Variants in IGSF10 observed in about 807,000 individuals in gnomAD.
The protein encoded by IGSF10 is immunoglobulin superfamily member 10, also known as calvaria mechanical force protein 608.
Under a neutral mutation model 128.2 loss-of-function variants are expected in IGSF10, and 126 were observed. The ratio of observed to expected loss-of-function variants is 0.98; its 90% CI spans 0.85 to 1.14. IGSF10 has a LOEUF of 1.14. Among genes scored for constraint, IGSF10 ranks in the 50% most tolerant of loss-of-function variants. IGSF10 has a pLI of 0.00. For missense variants in IGSF10, 3,295 were observed against 3,149.8 expected, an observed-to-expected ratio of 1.05 and a Z score of -1.10; for synonymous variants, 1,185 against 1,146.2, an observed-to-expected ratio of 1.03 and a Z score of -0.68.
chr3:151,493,349 T>A, the IGSF10 span, among the ~76,000 whole-genome samples: 1 of 152,206 alleles, frequency 6.6e-6, no homozygotes, highest in African/African-American at 2.4e-5. Flanking sequence ...GTAACCATTT[T>A]ACTATCTATA....
At chr3:151,553,431 A>G in the IGSF10 span, among the ~76,000 whole-genome samples, 435 of 152,214 alleles carry the variant, frequency 2.9e-3, 2 homozygotes, top group African/African-American at 0.01. Context: ...AAAATTGTCA[A>G]TAAAAGTTCT....
the IGSF10 span, among the ~76,000 whole-genome samples, chr3:151,532,715 A>G: frequency 6.6e-6 from 1 of 152,344 alleles, no homozygotes; most frequent in Non-Finnish European, 1.5e-5. Context: ...AACAGCCAAT[A>G]TCATACTGAA....
the IGSF10 span, among the ~76,000 whole-genome samples, chr3:151,472,467 G>A: frequency 2.6e-5 from 4 of 152,044 alleles, no homozygotes; most frequent in Non-Finnish European, 4.4e-5. Flanking sequence ...CCAATGCAGC[G>A]GCATTACCAT....
chr3:151,492,820 A>G, the IGSF10 span, among the ~76,000 whole-genome samples: 1 of 152,184 alleles, frequency 6.6e-6, no homozygotes, highest in African/African-American at 2.4e-5. Context: ...TCATCACTTC[A>G]AAAAGATACT....
chr3:151,511,068 A>T, the IGSF10 span, among the ~76,000 whole-genome samples: 433 of 152,318 alleles, frequency 2.8e-3, 1 homozygote, highest in South Asian at 0.012. Context: ...GAACTTCCCC[A>T]ATCTAGCAAG....
the IGSF10 span, among the ~76,000 whole-genome samples, chr3:151,575,234 G>A: frequency 1.7e-4 from 26 of 151,888 alleles, no homozygotes; most frequent in Non-Finnish European, 3.2e-4. Flanking sequence ...CACCATCCTG[G>A]GATAACTACT....
At chr3:151,610,762 G>T in the IGSF10 span, among the ~76,000 whole-genome samples, 1 of 152,146 alleles carries the variant, frequency 6.6e-6, no homozygotes, top group Non-Finnish European at 1.5e-5. Flanking sequence ...TCTGCTGAGG[G>T]TCAGTCTATG....
Position 151,443,474 on chromosome 3 carries a change from G to T in IGSF10, c.5473C>A (p.Pro1825Thr), listed in dbSNP as rs1255246866. 3.1e-6 allele frequency: 5 copies of T among 1,614,176 alleles called. No homozygotes were observed. In the South Asian group the frequency reaches 5.5e-5, roughly 18 times the overall value. The change falls in exon 7 of 8, where the codon CCA becomes ACA. Residue 1825 changes from proline (P) to threonine (T), a missense_variant. Pro to Thr is a conservative substitution (Grantham distance 38). Coordinates refer to ENST00000282466, the MANE Select transcript of IGSF10 (RefSeq NM_178822.5). The part of the protein sequence containing the change: ...RGFYKCVASN[P>T]GGQDSLLVKI... ...ACCAGCAGTGAATCCTGGCCACCTGGGTTGCTGGCCACACATTTGTAAAAG... is the reference window on the plus strand; with the variant it reads ...ACCAGCAGTGAATCCTGGCCACCTGTGTTGCTGGCCACACATTTGTAAAAG...
At chr3:151,574,853 GT>G in the IGSF10 span, among the ~76,000 whole-genome samples, 1 of 152,156 alleles carries the variant, frequency 6.6e-6, no homozygotes, top group Non-Finnish European at 1.5e-5. Flanking sequence ...CATCTTTGTG[GT>G]TTTATCTACC....
chr3:151,458,331 T>C (rs773997317), intron 3 of IGSF10, among the ~76,000 whole-genome samples, 185 bp downstream of exon 3: 16 of 152,166 alleles, frequency 1.1e-4, no homozygotes, highest in Admixed American at 2.0e-4. Flanking sequence ...TTTCTCCTAA[T>C]AAAAGTTTAC....
At position 151,447,051 on chromosome 3, in the gene IGSF10, A is replaced by G; in HGVS notation, c.2930T>C (p.Leu977Pro). 6.2e-7 allele frequency: 1 copy of G among 1,614,134 alleles called. No individual in the cohort carries two copies. Among genetic ancestry groups the G allele is most frequent in the Non-Finnish European group, 8.5e-7 (1 of 1,179,974 alleles). The change falls in exon 6 of 8, where the codon CTT (leucine) becomes CCT (proline). Residue 977 changes from leucine (L) to proline (P), a missense_variant. Coordinates refer to ENST00000282466, the MANE Select transcript of IGSF10 (RefSeq NM_178822.5). Reference protein sequence around the residue: ...NHFYSHTTQILSTSTFPSDPH... With the variant: ...NHFYSHTTQIPSTSTFPSDPH... ...ATCTGAAGGGAACGTGGAGGTGCTA[A>G]GTATTTGAGTAGTGTGAGAATAGAA...
At chr3:151,559,841 A>T in the IGSF10 span, among the ~76,000 whole-genome samples, 2 of 152,080 alleles carry the variant, frequency 1.3e-5, no homozygotes, top group African/African-American at 4.8e-5. Flanking sequence ...AAGACTTTAC[A>T]TGGGTTCTTA....
chr3:151,440,465 A>G lies in IGSF10; in HGVS notation c.5964-1868T>C, dbSNP rs567378862. 1.1e-5 allele frequency: 5 copies of G among 439,850 alleles called. 1 individual carries two copies. Among genetic ancestry groups the G allele is most frequent in the African/African-American group, 6.1e-5 (3 of 49,310 alleles). The allele number at this position is 439,850 out of a possible 1,614,324, so 27.2% of individuals were successfully genotyped here. A position where few individuals can be genotyped will look rare whatever the true frequency, so the allele number is the denominator to read the frequency against. On this transcript the variant is annotated intron_variant, in intron 7 of 7. Coordinates refer to ENST00000282466, the MANE Select transcript of IGSF10 (RefSeq NM_178822.5). ...ACCAAAGTAAAATCAATACAAATACACCTAAAGGAAGGGAAACTGCCAGGT... is the reference window on the plus strand; with the variant it reads ...ACCAAAGTAAAATCAATACAAATACGCCTAAAGGAAGGGAAACTGCCAGGT...
the IGSF10 span, among the ~76,000 whole-genome samples, chr3:151,590,472 T>G: frequency 1.1e-4 from 16 of 152,204 alleles, no homozygotes; most frequent in African/African-American, 3.6e-4. Flanking sequence ...CAAGCATTAT[T>G]GGAATGGTCC....
rs1560176293 is a variant in IGSF10 at position 151,445,969 on chromosome 3, TC to T, written c.4011del (p.Arg1338AspfsTer37). The T allele has an allele frequency of 3.1e-6, 5 of 1,614,214 alleles. No individual in the cohort carries two copies. In the South Asian group the frequency reaches 5.5e-5, roughly 18 times the overall value. On this transcript the variant is annotated frameshift_variant, in exon 6 of 8. Coordinates refer to ENST00000282466, the MANE Select transcript of IGSF10 (RefSeq NM_178822.5). LOFTEE classifies it high-confidence loss of function. ...ASVITYETQT[E>X]RSRAQTIQRE... ...CTTTGTATTGTTTGTGCTCTAGATCTCTCTGTTTGGGTTTCATAAGTGATGA... is the reference window on the plus strand; with the variant it reads ...CTTTGTATTGTTTGTGCTCTAGATCTTCTGTTTGGGTTTCATAAGTGATGA...
At chr3:151,518,557 C>T in the IGSF10 span, among the ~76,000 whole-genome samples, 3 of 151,896 alleles carry the variant, frequency 2.0e-5, no homozygotes. Context: ...TGCTTTAATG[C>T]AGTAATGCAG....
At chr3:151,533,944 A>G in the IGSF10 span, among the ~76,000 whole-genome samples, 1 of 152,352 alleles carries the variant, frequency 6.6e-6, no homozygotes, top group South Asian at 2.1e-4. Context: ...CAAAGAACTT[A>G]AACAAATTTA....
At chr3:151,536,958 T>C in the IGSF10 span, among the ~76,000 whole-genome samples, 2 of 152,194 alleles carry the variant, frequency 1.3e-5, no homozygotes, top group African/African-American at 4.8e-5. Context: ...CTAGGTCCTG[T>C]TGCTTTTAAA....
At chr3:151,463,815 G>C (rs541223755), upstream of IGSF10, among the ~76,000 whole-genome samples, 2 of 151,704 alleles carry the variant, frequency 1.3e-5, no homozygotes, top group African/African-American at 4.8e-5. Context: ...GTGAAACCCC[G>C]TCTCTACAAA....
Sources: gnomAD v4.1 joint callset for allele counts (sites outside exome capture counted in the v4.1 genomes callset) on GRCh38, gnomAD v4.1.1 for gene constraint, MANE v1.5 for transcripts, NCBI Gene and HGNC (gene_info 2026-07-23, HGNC 2026-07-21) for gene names.